RAB33B: variants seen among roughly 807,000 people sequenced by gnomAD.
The protein encoded by RAB33B is RAB33B, member RAS oncogene family.
RAB33B carries 6 observed loss-of-function variants against 15.0 expected under a neutral mutation model. The observed-to-expected ratio is 0.40, with a 90% CI of 0.22 to 0.79. RAB33B has a LOEUF of 0.79. RAB33B is among the 30% of genes least tolerant of loss of function. The probability of loss-of-function intolerance (pLI) is 0.37; values close to 1 mark genes in which losing one functional copy is unlikely to be tolerated. For synonymous variants in RAB33B, 117 were observed against 108.3 expected, an observed-to-expected ratio of 1.08 and a Z score of -0.50; for missense variants, 257 against 296.4, an observed-to-expected ratio of 0.87 and a Z score of 0.98.
the RAB33B span, among the ~76,000 whole-genome samples, chr4:139,445,846 G>A: frequency 6.6e-6 from 1 of 152,132 alleles, no homozygotes; most frequent in Non-Finnish European, 1.5e-5. Flanking sequence ...GTCCCCCATA[G>A]GTGAATCACA....
Position 139,454,248 on chromosome 4 carries a change from C to T in RAB33B, c.53C>T (p.Ala18Val). 1 of 1,614,118 alleles carries T rather than the reference C, an allele frequency of 6.2e-7. No individual in the cohort carries two copies. Among genetic ancestry groups the T allele is most frequent in the Non-Finnish European group, 8.5e-7 (1 of 1,179,988 alleles). ...SLEASFSSSG[A>V]VSGASGFLPP... ...GAGGCAAGCTTTTCGTCCAGCGGGGCAGTGTCAGGGGCCTCAGGGTTTTTG... is the reference window on the plus strand; with the variant it reads ...GAGGCAAGCTTTTCGTCCAGCGGGGTAGTGTCAGGGGCCTCAGGGTTTTTG... The change falls in exon 1 of 2, where the codon GCA becomes GTA. Residue 18 changes from alanine (A) to valine (V), a missense_variant. Ala to Val is a moderately conservative substitution (Grantham distance 64). Coordinates refer to ENST00000305626, the MANE Select transcript of RAB33B (RefSeq NM_031296.3).
intron 1 of RAB33B, among the ~76,000 whole-genome samples, chr4:139,466,724 G>A (rs1750293563): frequency 1.3e-5 from 2 of 151,580 alleles, no homozygotes; most frequent in Admixed American, 1.3e-4. Flanking sequence ...GACTACAGGT[G>A]CATGCCACCA....
intron 1 of RAB33B, among the ~76,000 whole-genome samples, chr4:139,471,773 A>G (rs1362187098): frequency 6.6e-6 from 1 of 152,050 alleles, no homozygotes; most frequent in Non-Finnish European, 1.5e-5. Context: ...TTTTCCTTTG[A>G]TTGCTTTTAC....
rs1750482375 is a variant in RAB33B, at chr4:139,475,399, T to TAATAAG, written c.*2273_*2274insAATAAG. On this transcript the variant is annotated 3_prime_UTR_variant, in exon 2 of 2. Transcript: ENST00000305626. The stretch of plus-strand genomic sequence containing the variant: ...AGGAATTAAGTAATATCCTTTACAG[T>TAATAAG]TCTGTGAAAGGACTTATTTTTTAAC... The TAATAAG allele has an allele frequency of 1.3e-5, 2 of 152,002 alleles. No individual in the cohort carries two copies. The highest frequency in any genetic ancestry group is 2.9e-5 in the Non-Finnish European group (2 of 67,930). 9.4% of individuals were successfully genotyped at this position (152,002 alleles called of 1,614,324 possible). A position where few individuals can be genotyped will look rare whatever the true frequency, so the allele number is the denominator to read the frequency against.
Position 139,454,372 on chromosome 4 carries a change from C to T in RAB33B, c.177C>T (p.Pro59=). 6.2e-7 allele frequency: 1 copy of T among 1,613,816 alleles called. No homozygotes were observed. Among genetic ancestry groups the T allele is most frequent in the South Asian group, 1.1e-5 (1 of 91,064 alleles). ...ACCGCTTCTGCGCTGGCCGCTTCCC[C>T]GACCGCACCGAGGCCACGATAGGGG... ...LTYRFCAGRF[P]DRTEATIGVD... Residue 59 remains proline, a synonymous_variant, in exon 1 of 2, where the codon CCC becomes CCT. Transcript: ENST00000305626.
Position 139,473,053 on chromosome 4 carries a change from T to C in RAB33B, c.617T>C (p.Met206Thr). 1 of 1,614,120 alleles carries C rather than the reference T, an allele frequency of 6.2e-7. No homozygotes were observed. The change falls in exon 2 of 2, where the codon ATG (methionine) becomes ACG (threonine). Residue 206 changes from methionine to threonine, a missense_variant. By Grantham distance (81) the Met-to-Thr change is moderately conservative. Transcript: ENST00000305626. ...AAGCTTAAGAGCCACAAACCATTAA[T>C]GCTTAGTCAGCCCCCTGATAATGGA... Reference protein sequence around the residue: ...AHKLKSHKPLMLSQPPDNGII... With the variant: ...AHKLKSHKPLTLSQPPDNGII...
At chr4:139,446,959 G>T in the RAB33B span, among the ~76,000 whole-genome samples, 1 of 152,172 alleles carries the variant, frequency 6.6e-6, no homozygotes, top group East Asian at 1.9e-4. Context: ...TCATGTAAAG[G>T]GTAGAGGTTT....
intron 1 of RAB33B, among the ~76,000 whole-genome samples, chr4:139,459,926 C>T (rs759288539): frequency 1.2e-4 from 19 of 152,136 alleles, no homozygotes; most frequent in Admixed American, 3.9e-4. Flanking sequence ...CCACCGTGTC[C>T]GGCCTAGTTC....
intron 1 of RAB33B, among the ~76,000 whole-genome samples, chr4:139,456,078 G>A (rs1014614423): frequency 6.6e-6 from 1 of 152,204 alleles, no homozygotes; most frequent in African/African-American, 2.4e-5. Context: ...TACCTTATCA[G>A]GCTGCTGTGA....
chr4:139,459,066 T>C (rs1399548854), intron 1 of RAB33B, among the ~76,000 whole-genome samples: 3 of 151,700 alleles, frequency 2.0e-5, no homozygotes, highest in Admixed American at 2.0e-4. Flanking sequence ...TTTTGAAATG[T>C]GTCTGTTCAT....
At position 139,460,719 on chromosome 4, in the gene RAB33B, A is replaced by G. The variant is rs146982909; in HGVS notation, c.249+6275A>G. On this transcript the variant is annotated intron_variant, in intron 1 of 1. Coordinates refer to ENST00000305626, the MANE Select transcript of RAB33B (RefSeq NM_031296.3). ...TTCAGGTATCCTAAGAATGCTGAAGAATCTTGTGATCCCTTAGCTCAGAAA... is the reference window on the plus strand; with the variant it reads ...TTCAGGTATCCTAAGAATGCTGAAGGATCTTGTGATCCCTTAGCTCAGAAA... Among the ~76,000 whole-genome samples, 686 of 152,344 alleles carry G rather than the reference A, an allele frequency of 4.5e-3. 6 individuals carry two copies. Among genetic ancestry groups the G allele is most frequent in the African/African-American group, 0.015 (613 of 41,584 alleles).
chr4:139,442,009 T>G, the RAB33B span, among the ~76,000 whole-genome samples: 1 of 152,220 alleles, frequency 6.6e-6, no homozygotes, highest in Non-Finnish European at 1.5e-5. Context: ...CTCATTGTGA[T>G]TAATTTCTAA....
chr4:139,462,477 T>A (rs1398008609), intron 1 of RAB33B, among the ~76,000 whole-genome samples: 14 of 152,228 alleles, frequency 9.2e-5, no homozygotes, highest in Non-Finnish European at 2.1e-4. Context: ...CATCCCTGAT[T>A]AACTATTAAA....
At chr4:139,469,367 G>A (rs1171433244) in intron 1 of RAB33B, among the ~76,000 whole-genome samples, 1 of 152,030 alleles carries the variant, frequency 6.6e-6, no homozygotes, top group Non-Finnish European at 1.5e-5. Flanking sequence ...CATTCTTCAA[G>A]AATCTCTTTG....
chr4:139,445,993 A>G, the RAB33B span, among the ~76,000 whole-genome samples: 7 of 152,300 alleles, frequency 4.6e-5, no homozygotes, highest in African/African-American at 1.7e-4. Flanking sequence ...TCAAGTCACC[A>G]TTCAACCTGA....
At chr4:139,470,972 G>A (rs185693737) in intron 1 of RAB33B, among the ~76,000 whole-genome samples, 1 of 152,254 alleles carries the variant, frequency 6.6e-6, no homozygotes, top group East Asian at 1.9e-4. Context: ...GGAGGGAAGT[G>A]GTCTTTTTTG....
chr4:139,445,060 G>A, the RAB33B span, among the ~76,000 whole-genome samples: 1 of 152,252 alleles, frequency 6.6e-6, no homozygotes, highest in Non-Finnish European at 1.5e-5. Flanking sequence ...GAGAATGACA[G>A]TCAATTATGT....
chr4:139,442,849 C>T, the RAB33B span, among the ~76,000 whole-genome samples: 1 of 151,886 alleles, frequency 6.6e-6, no homozygotes, highest in Non-Finnish European at 1.5e-5. Flanking sequence ...GATTTTGGTA[C>T]CAGGAGTGAT....
intron 1 of RAB33B, among the ~76,000 whole-genome samples, chr4:139,459,911 G>A (rs1473700920): frequency 6.6e-6 from 1 of 152,158 alleles, no homozygotes; most frequent in Non-Finnish European, 1.5e-5. Flanking sequence ...GATTACAGGC[G>A]TGAGCCACCG....
Sources: allele counts gnomAD v4.1 joint callset (sites outside exome capture counted in the v4.1 genomes callset), GRCh38; gene constraint gnomAD v4.1.1; transcripts MANE v1.5; gene names NCBI Gene and HGNC (gene_info 2026-07-23, HGNC 2026-07-21).